The following PRSS48 variants were observed in gnomAD, a reference collection of about 807,000 sequenced individuals.
PRSS48 encodes the protein serine protease 48.
PRSS48 carries 21 observed loss-of-function variants against 25.6 expected under a neutral mutation model. That is an observed-to-expected ratio of 0.82 (90% CI 0.58 to 1.18). PRSS48 has a LOEUF of 1.18. Among genes scored for constraint, PRSS48 ranks in the 50% most tolerant of loss-of-function variants. The probability of loss-of-function intolerance (pLI) is 0.00; values close to 1 mark genes in which losing one functional copy is unlikely to be tolerated. For synonymous variants in PRSS48, 150 were observed against 149.3 expected, an observed-to-expected ratio of 1.00 and a Z score of -0.04; for missense variants, 373 against 399.3, an observed-to-expected ratio of 0.93 and a Z score of 0.56.
chr4:151,287,130 C>G (rs765969124), intron 4 of PRSS48, among the ~76,000 whole-genome samples: 1 of 151,690 alleles, frequency 6.6e-6, no homozygotes, highest in Non-Finnish European at 1.5e-5. Flanking sequence ...CACCTGATGT[C>G]AGGAGTTTGG....
chr4:151,290,979 T>C (rs1343118709), intron 4 of PRSS48, 139 bp from the exon 5 acceptor site: 3 of 593,480 alleles, frequency 5.1e-6, no homozygotes, highest in Non-Finnish European at 8.8e-6. Flanking sequence ...CCTAAAGCAG[T>C]GATTAGTCCA....
intron 4 of PRSS48, among the ~76,000 whole-genome samples, chr4:151,287,057 G>A (rs13135328): frequency 0.36 from 54,344 of 150,466 alleles, 10,802 homozygotes; most frequent in Middle Eastern, 0.44. Flanking sequence ...AATAAAAGAG[G>A]GGACTGGGCA....
At chr4:151,287,180 A>C (rs1432847209) in intron 4 of PRSS48, among the ~76,000 whole-genome samples, 1 of 151,516 alleles carries the variant, frequency 6.6e-6, no homozygotes, top group Non-Finnish European at 1.5e-5. Flanking sequence ...GTCTCTATTA[A>C]AAATACAAAA....
intron 4 of PRSS48, among the ~76,000 whole-genome samples, chr4:151,284,377 G>A (rs902010727): frequency 6.6e-6 from 1 of 152,044 alleles, no homozygotes; most frequent in African/African-American, 2.4e-5. Flanking sequence ...TTTTATTTCA[G>A]ACATTTTATT....
intron 4 of PRSS48, among the ~76,000 whole-genome samples, chr4:151,288,982 A>C (rs891045050): frequency 3.3e-5 from 5 of 152,232 alleles, no homozygotes; most frequent in African/African-American, 9.6e-5. Context: ...CACATTTTTC[A>C]TATTTCAAAA....
intron 4 of PRSS48, among the ~76,000 whole-genome samples, 189 bp from the exon 5 acceptor site, chr4:151,290,929 C>A (rs944319670): frequency 4.6e-5 from 7 of 152,196 alleles, no homozygotes; most frequent in African/African-American, 1.7e-4. Context: ...AGGTCTCTGA[C>A]AATTTCAATT....
intron 2 of PRSS48, among the ~76,000 whole-genome samples, chr4:151,280,786 T>C (rs1033414012): frequency 6.6e-6 from 1 of 151,240 alleles, no homozygotes; most frequent in Admixed American, 6.6e-5. Flanking sequence ...TGAGACCCTG[T>C]CTCTAAAAAA....
At chr4:151,287,919 T>C (rs963843667) in intron 4 of PRSS48, among the ~76,000 whole-genome samples, 10 of 152,256 alleles carry the variant, frequency 6.6e-5, no homozygotes, top group Middle Eastern at 6.8e-3. Flanking sequence ...AAAAAGGATA[T>C]ACCATAAACA....
chr4:151,277,918 G>A (rs2150004079), intron 1 of PRSS48, among the ~76,000 whole-genome samples: 1 of 152,192 alleles, frequency 6.6e-6, no homozygotes, highest in South Asian at 2.1e-4. Flanking sequence ...GCGGGCACCT[G>A]TAGTCCCAGC....
At chr4:151,283,145 A>G (rs751246060) in exon 4 of PRSS48, 6 of 1,613,842 alleles carry the variant, frequency 3.7e-6, no homozygotes, top group Non-Finnish European at 5.1e-6. Flanking sequence ...CCCTTCAGGA[A>G]GCAGAAGTAC....
intron 1 of PRSS48, among the ~76,000 whole-genome samples, chr4:151,277,693 T>C (rs1364176981): frequency 6.6e-6 from 1 of 152,132 alleles, no homozygotes; most frequent in Non-Finnish European, 1.5e-5. Flanking sequence ...CACTATTCTA[T>C]GATTTCAGGT....
intron 4 of PRSS48, among the ~76,000 whole-genome samples, chr4:151,288,576 G>A (rs569835861): frequency 5.9e-5 from 9 of 151,936 alleles, no homozygotes; most frequent in Non-Finnish European, 1.3e-4. Context: ...GTGAAACCTC[G>A]TCTCTACTAA....
intron 4 of PRSS48, 117 bp from the exon 5 acceptor site, chr4:151,291,001 G>T: frequency 2.9e-6 from 2 of 693,386 alleles, no homozygotes; most frequent in South Asian, 1.9e-5. Flanking sequence ...CCCCCTGCAG[G>T]GTTCCACAGC....
exon 1 of PRSS48, chr4:151,277,206 C>A: frequency 6.7e-7 from 1 of 1,503,744 alleles, no homozygotes; most frequent in Non-Finnish European, 9.0e-7. Context: ...CACGCTGCTC[C>A]TTCTGCTGGG....
At chr4:151,282,777 A>T (rs1027061530) in intron 3 of PRSS48, among the ~76,000 whole-genome samples, 1 of 141,554 alleles carries the variant, frequency 7.1e-6, no homozygotes, top group African/African-American at 3.2e-5. Context: ...AGTAGACACA[A>T]GACAAGAACT....
rs143847742 is a variant in PRSS48 at position 151,285,954 on chromosome 4, G to A, written c.651+2668G>A. 2.2e-3 allele frequency among the ~76,000 whole-genome samples: 335 copies of A among 151,612 alleles called. 2 individuals are homozygous for A. The highest frequency in any genetic ancestry group is 6.9e-3 in the African/African-American group (285 of 41,364). ...ACATACCTGTAATCGCAGCACTTTGGGAGGATAAGGTAGGAGATTTTTTTT... is the reference window on the plus strand; with the variant it reads ...ACATACCTGTAATCGCAGCACTTTGAGAGGATAAGGTAGGAGATTTTTTTT... On this transcript the variant is annotated intron_variant, in intron 4 of 4. Coordinates refer to ENST00000455694, the Ensembl canonical transcript of PRSS48.
chr4:151,290,515 T>C (rs1341970159), intron 4 of PRSS48, among the ~76,000 whole-genome samples: 3 of 152,316 alleles, frequency 2.0e-5, no homozygotes, highest in Non-Finnish European at 2.9e-5. Context: ...AGTGGACTAC[T>C]GGTTGGCCTA....
At chr4:151,281,665 C>T (rs1774245993) in intron 2 of PRSS48, among the ~76,000 whole-genome samples, 1 of 133,108 alleles carries the variant, frequency 7.5e-6, no homozygotes, top group African/African-American at 2.7e-5. Context: ...GGGCAGAGAA[C>T]TTGTTATTTA....
downstream of PRSS48, chr4:151,291,504 A>G: frequency 7.6e-7 from 1 of 1,315,930 alleles, no homozygotes; most frequent in Non-Finnish European, 1.0e-6. Flanking sequence ...ACAATTTGAA[A>G]TGATTTTGTT....
Sources: allele counts gnomAD v4.1 joint callset (sites outside exome capture counted in the v4.1 genomes callset), GRCh38; gene constraint gnomAD v4.1.1; transcripts MANE v1.5; gene names NCBI Gene and HGNC (gene_info 2026-07-23, HGNC 2026-07-21).